Variants in AGAP3 observed in about 807,000 individuals in gnomAD.
The protein encoded by AGAP3 is arf-GAP with GTPase, ANK repeat and PH domain-containing protein 3.
A neutral mutation model predicts 96.9 loss-of-function variants in AGAP3; 24 were observed. The ratio of observed to expected loss-of-function variants is 0.25; its 90% CI spans 0.18 to 0.35. The LOEUF (loss-of-function observed/expected upper bound fraction) is 0.35, where lower values mean the gene tolerates loss of function less well. AGAP3 is among the 10% of genes least tolerant of loss of function. The probability of loss-of-function intolerance (pLI) is 1.00; values close to 1 mark genes in which losing one functional copy is unlikely to be tolerated. For missense variants in AGAP3, 876 were observed against 1,254.2 expected (o/e 0.70, Z 4.55); for synonymous variants, 563 against 536.1 (o/e 1.05, Z -0.69).
At chr7:151,115,307 C>A in intron 1 of AGAP3, 1 of 1,006,550 alleles carries the variant, frequency 9.9e-7, no homozygotes, top group African/African-American at 1.7e-5. Flanking sequence ...CGGAGGGGCC[C>A]CGGCGCGGCC....
In AGAP3 at chr7:151,086,845, A is replaced by C. The variant is rs1426476415; in HGVS notation, c.104A>C (p.Gln35Pro). The C allele has an allele frequency of 5.2e-5, 15 of 290,030 alleles. No individual in the cohort carries two copies. The highest frequency in any genetic ancestry group is 6.0e-5 in the Non-Finnish European group (15 of 250,112). The allele number at this position is 290,030 out of a possible 1,614,324, so 18.0% of individuals were successfully genotyped here. A position where few individuals can be genotyped will look rare whatever the true frequency, so the allele number is the denominator to read the frequency against. Residue 35 changes from glutamine to proline, a missense_variant, in exon 1 of 18, where the codon CAG becomes CCG. Gln to Pro is a moderately conservative substitution (Grantham distance 76, BLOSUM62 -1). Transcript: ENST00000397238. Reference sequence around the variant, plus strand: ...GCGCAGCAGCTCGTCTGCGGCGGGCAGTTCGGCGGCGCGGGGCCCGGGGCC... The same window carrying C: ...GCGCAGCAGCTCGTCTGCGGCGGGCCGTTCGGCGGCGCGGGGCCCGGGGCC... The part of the protein sequence containing the change: ...AAAQQLVCGG[Q>P]FGGAGPGAGG...
At position 151,118,033 on chromosome 7, in the gene AGAP3, T is replaced by G. The variant is rs1439454316; in HGVS notation, c.707-177T>G. Reference sequence around the variant, plus strand: ...CTCAGAGCTTAAGTGCTTGCTGGTTTGCACTCAGTGAGGCCATGGAAGGGT... The same window carrying G: ...CTCAGAGCTTAAGTGCTTGCTGGTTGGCACTCAGTGAGGCCATGGAAGGGT... On this transcript the variant is annotated intron_variant, in intron 5 of 17. Transcript: ENST00000397238. This position sits in a 1 kb window ranked among gnomAD's most constrained non-coding sequence, Gnocchi z 6.1. The G allele has an allele frequency of 2.2e-6, 2 of 929,932 alleles. No individual in the cohort carries two copies. The highest frequency in any genetic ancestry group is 3.2e-6 in the Non-Finnish European group (2 of 626,594). The allele number at this position is 929,932 out of a possible 1,614,324, so 57.6% of individuals were successfully genotyped here. A position where few individuals can be genotyped will look rare whatever the true frequency, so the allele number is the denominator to read the frequency against.
At chr7:151,129,601 G>A (rs1285004932) in intron 10 of AGAP3, among the ~76,000 whole-genome samples, 1 of 152,132 alleles carries the variant, frequency 6.6e-6, no homozygotes, top group Non-Finnish European at 1.5e-5. Flanking sequence ...TTCCTAACAC[G>A]CCTCACTCCA....
At chr7:151,138,517 G>T (rs1323487524) in intron 12 of AGAP3, among the ~76,000 whole-genome samples, 1 of 152,208 alleles carries the variant, frequency 6.6e-6, no homozygotes, top group Non-Finnish European at 1.5e-5. Flanking sequence ...CAGAGTAGGG[G>T]CACTGTCCCT....
In AGAP3 at chr7:151,120,068, C is replaced by A. The variant is rs199519150; in HGVS notation, c.1051C>A (p.Arg351Ser). 1 of 1,613,902 alleles carries A rather than the reference C, an allele frequency of 6.2e-7. No homozygotes were observed. The highest frequency in any genetic ancestry group is 8.5e-7 in the Non-Finnish European group (1 of 1,179,880). ...CCCCAGCATCAGCCAGCGGGAGCTG[C>A]GCATCGAGACCATCGCTGCCTCCTC... ...STPSISQREL[R>S]IETIAASSTP... is the part of the protein sequence containing the mutation. Residue 351 changes from arginine (R) to serine (S), a missense_variant, in exon 8 of 18, where the codon CGC becomes AGC. By Grantham distance (110) the Arg-to-Ser change is moderately radical. This residue lies in a region of AGAP3 where 100 missense variants were observed against 129.4 expected (regional missense o/e 0.77). Transcript: ENST00000397238.
At position 151,143,958 on chromosome 7, in the gene AGAP3, G is replaced by A; in HGVS notation, c.*15G>A. 2 of 1,611,616 alleles carry A rather than the reference G, an allele frequency of 1.2e-6. No homozygotes were observed. The highest frequency in any genetic ancestry group is 8.5e-7 in the Non-Finnish European group (1 of 1,178,190). Reference sequence around the variant, plus strand: ...GCCTCCTATAAGGCCCAGGAAGAGGGCAGAGGGGCCAGAAGGACTCCATGG... The same window carrying A: ...GCCTCCTATAAGGCCCAGGAAGAGGACAGAGGGGCCAGAAGGACTCCATGG... On this transcript the variant is annotated 3_prime_UTR_variant, in exon 18 of 18. Coordinates refer to ENST00000397238, the MANE Select transcript of AGAP3 (RefSeq NM_031946.7). This position sits in a 1 kb window ranked among gnomAD's most constrained non-coding sequence, Gnocchi z 5.9.
rs545991114 is a variant in AGAP3, at chr7:151,139,855, G to A, written c.1667-124G>A. 5.6e-5 allele frequency: 53 copies of A among 946,606 alleles called. No homozygotes were observed. In the South Asian group the frequency reaches 1.4e-3, roughly 25 times the overall value. The allele number at this position is 946,606 out of a possible 1,614,324, so 58.6% of individuals were successfully genotyped here. On this transcript the variant is annotated intron_variant, in intron 12 of 17. Transcript: ENST00000397238. This position sits in a 1 kb window ranked among gnomAD's most constrained non-coding sequence, Gnocchi z 4.9. The stretch of plus-strand genomic sequence containing the variant: ...CTCGCCTAGAGAGAGGTGTCCGTCT[G>A]GCTCTCCTGAGTGTGGCCCAGCTAC...
In AGAP3 at chr7:151,143,862, C is replaced by T; in HGVS notation, c.2655C>T (p.Gly885=). The part of the protein sequence containing the change: ...IQHGCPGEGC[G]LAPTPNREPA... ...ATGGCTGCCCTGGGGAGGGCTGTGG[C>T]TTAGCGCCTACCCCCAACAGAGAGC... The change falls in exon 18 of 18, where the codon GGC becomes GGT. Residue 885 remains glycine, a synonymous_variant. Transcript: ENST00000397238. This position sits in a 1 kb window ranked among gnomAD's most constrained non-coding sequence, Gnocchi z 5.9. The T allele has an allele frequency of 6.2e-7, 1 of 1,613,990 alleles. No homozygotes were observed. Among genetic ancestry groups the T allele is most frequent in the Non-Finnish European group, 8.5e-7 (1 of 1,180,032 alleles).
intron 11 of AGAP3, among the ~76,000 whole-genome samples, chr7:151,136,876 G>C (rs186854456): frequency 6.6e-6 from 1 of 152,184 alleles, no homozygotes; most frequent in Non-Finnish European, 1.5e-5. Flanking sequence ...TCCTGAGGCG[G>C]GACCTGTGAG....
chr7:151,120,202 G>A, intron 8 of AGAP3, 57 bp downstream of exon 8: 1 of 1,527,922 alleles, frequency 6.5e-7, no homozygotes, highest in Non-Finnish European at 8.8e-7. Flanking sequence ...GCAGGGCTGA[G>A]CGCCGAGCTC....
At position 151,142,198 on chromosome 7, in the gene AGAP3, G is replaced by A. The variant is rs767202824; in HGVS notation, c.1995G>A (p.Val665=). The change falls in exon 15 of 18, where the codon GTG becomes GTA. Residue 665 remains valine, a synonymous_variant. Coordinates refer to ENST00000397238, the MANE Select transcript of AGAP3 (RefSeq NM_031946.7). This position sits in a 1 kb window ranked among gnomAD's most constrained non-coding sequence, Gnocchi z 7.5. ...GGAACCAGAACGCAGCTCTGGCTGTGCAGGCCGTCCGCACCGTCCGCGGCA... is the reference window on the plus strand; with the variant it reads ...GGAACCAGAACGCAGCTCTGGCTGTACAGGCCGTCCGCACCGTCCGCGGCA... ...RLGNQNAALA[V]QAVRTVRGNS... 9.9e-6 allele frequency: 16 copies of A among 1,613,682 alleles called. No individual in the cohort carries two copies. The highest frequency in any genetic ancestry group is 1.3e-5 in the African/African-American group (1 of 74,934).
At chr7:151,098,525 C>T (rs932264229) in intron 1 of AGAP3, among the ~76,000 whole-genome samples, 13 of 151,974 alleles carry the variant, frequency 8.6e-5, no homozygotes, top group East Asian at 3.9e-4. Context: ...TGGTGGCGTG[C>T]GCCTATAGTC....
Position 151,118,146 on chromosome 7 carries a change from C to G in AGAP3, c.707-64C>G. Reference sequence around the variant, plus strand: ...GCACACCTGCCCTTGGGCCAAATGCCCCCCACCACACTACCCCAGCTTCTC... The same window carrying G: ...GCACACCTGCCCTTGGGCCAAATGCGCCCCACCACACTACCCCAGCTTCTC... On this transcript the variant is annotated intron_variant, in intron 5 of 17. Coordinates refer to ENST00000397238, the MANE Select transcript of AGAP3 (RefSeq NM_031946.7). The surrounding 1 kb of genome is among the most constrained non-coding windows in gnomAD (Gnocchi z 6.1). The G allele has an allele frequency of 1.3e-6, 2 of 1,548,824 alleles. No individual in the cohort carries two copies. Among genetic ancestry groups the G allele is most frequent in the Non-Finnish European group, 1.8e-6 (2 of 1,142,638 alleles).
At chr7:151,116,684 G>A (rs1799599827) in intron 1 of AGAP3, 109 bp from the exon 2 acceptor site, 1 of 1,266,714 alleles carries the variant, frequency 7.9e-7, no homozygotes, top group Admixed American at 1.7e-5. Flanking sequence ...GGAAGCTGCT[G>A]TCCTCTGGCC....
At position 151,114,781 on chromosome 7, in the gene AGAP3, G is replaced by T; in HGVS notation, c.332-2012G>T. ...CCGCCGGCCCTGAGCATGGAGCGGG[G>T]CTGGCCGCAGGGGGACAGCTGTCCC... On this transcript the variant is annotated intron_variant, in intron 1 of 17. Transcript: ENST00000397238. The surrounding 1 kb of genome is among the most constrained non-coding windows in gnomAD (Gnocchi z 4.4). 1 of 1,033,216 alleles carries T rather than the reference G, an allele frequency of 9.7e-7. No individual in the cohort carries two copies. The highest frequency in any genetic ancestry group is 1.2e-6 in the Non-Finnish European group (1 of 863,130). The allele number at this position is 1,033,216 out of a possible 1,614,324, so 64.0% of individuals were successfully genotyped here. A position where few individuals can be genotyped will look rare whatever the true frequency, so the allele number is the denominator to read the frequency against.
intron 8 of AGAP3, 69 bp downstream of exon 8, chr7:151,120,214 C>T: frequency 6.6e-7 from 1 of 1,503,950 alleles, no homozygotes. Context: ...GCCGAGCTCC[C>T]AGCCAGGAGG....
At chr7:151,090,273 C>T (rs892595025) in intron 1 of AGAP3, 3 of 151,218 alleles carry the variant, frequency 2.0e-5, no homozygotes, top group East Asian at 3.9e-4. Flanking sequence ...TGGAAGTGGA[C>T]CTGACTATTA....
At position 151,143,496 on chromosome 7, in the gene AGAP3, A is replaced by G. The variant is rs768681773; in HGVS notation, c.2429A>G (p.Lys810Arg). 2.5e-6 allele frequency: 4 copies of G among 1,614,168 alleles called. No individual in the cohort carries two copies. Among genetic ancestry groups the G allele is most frequent in the Non-Finnish European group, 3.4e-6 (4 of 1,180,036 alleles). The change falls in exon 17 of 18, where the codon AAA becomes AGA. Residue 810 changes from lysine (K) to arginine (R), a missense_variant. Around this residue, in one of 8 missense-constraint regions of AGAP3, gnomAD observed 213 missense variants for 253.8 expected, o/e 0.84. Coordinates refer to ENST00000397238, the MANE Select transcript of AGAP3 (RefSeq NM_031946.7). The surrounding 1 kb of genome is among the most constrained non-coding windows in gnomAD (Gnocchi z 5.9). Reference protein sequence around the residue: ...LLVMLLAHGSKEEVNETYGDG... With the variant: ...LLVMLLAHGSREEVNETYGDG... ...GTGATGCTCCTGGCACATGGCTCCAAAGAGGAGGTGAATGAGACCTATGGG... is the reference window on the plus strand; with the variant it reads ...GTGATGCTCCTGGCACATGGCTCCAGAGAGGAGGTGAATGAGACCTATGGG...
In AGAP3 at chr7:151,116,506, A is replaced by G. The variant is rs1799591439; in HGVS notation, c.332-287A>G. On this transcript the variant is annotated intron_variant, in intron 1 of 17. Transcript: ENST00000397238. ...GTGTGGCTTGGTGGGGGGACAATAA[A>G]CCTGCTGGAGCAGGAAGAGGAGGAA... 3 of 500,072 alleles carry G rather than the reference A, an allele frequency of 6.0e-6. No homozygotes were observed. The South Asian group carries it at 8.2e-5, about 14-fold the overall frequency. The allele number at this position is 500,072 out of a possible 1,614,324, so 31.0% of individuals were successfully genotyped here.
Sources: allele counts gnomAD v4.1 joint callset (sites outside exome capture counted in the v4.1 genomes callset), GRCh38; gene constraint gnomAD v4.1.1; regional missense constraint gnomAD v4.1.1; non-coding constraint Gnocchi (gnomAD v3.1); transcripts MANE v1.5; gene names NCBI Gene and HGNC (gene_info 2026-07-23, HGNC 2026-07-21).